Variants in CPAMD8 observed in about 807,000 individuals in gnomAD.
The protein encoded by CPAMD8 is C3 and PZP like alpha-2-macroglobulin domain containing 8.
In CPAMD8, 146 loss-of-function variants were observed where a neutral mutation model predicts 224.7. That is an observed-to-expected ratio of 0.65 (90% CI 0.57 to 0.75). CPAMD8 has a LOEUF of 0.75. CPAMD8 is among the 30% of genes least tolerant of loss of function. The pLI, the probability that CPAMD8 is intolerant of heterozygous loss-of-function variation, is 0.00. For synonymous variants in CPAMD8, 966 were observed against 1,044.6 expected, an observed-to-expected ratio of 0.92 and a Z score of 1.45; for missense variants, 2,301 against 2,537.5, an observed-to-expected ratio of 0.91 and a Z score of 2.00.
intron 16 of CPAMD8, among the ~76,000 whole-genome samples, chr19:16,975,761 G>A (rs1006894501): frequency 5.9e-5 from 9 of 152,144 alleles, no homozygotes; most frequent in Non-Finnish European, 1.3e-4. Context: ...GTGAGACCTG[G>A]CCCAATGTCA....
Position 16,976,158 on chromosome 19 carries a change from G to A in CPAMD8, c.1759-7C>T, listed in dbSNP as rs573431388. 153 of 1,607,414 alleles carry A rather than the reference G, an allele frequency of 9.5e-5. 1 individual carries two copies. In the East Asian group the frequency reaches 9.6e-4, roughly 10 times the overall value. ...CTGAATACGTCACTGAAACCTTGGC[G>A]CAAATGCAGCAAGGGATAAGAAACT... is the stretch of plus-strand genomic sequence containing the variant. On this transcript the variant is annotated splice_region_variant and splice_polypyrimidine_tract_variant and intron_variant, in intron 15 of 41. Coordinates refer to ENST00000443236, the MANE Select transcript of CPAMD8 (RefSeq NM_015692.5).
intron 24 of CPAMD8, among the ~76,000 whole-genome samples, chr19:16,928,510 C>T (rs552113121): frequency 7.2e-4 from 109 of 152,296 alleles, no homozygotes; most frequent in African/African-American, 2.4e-3. Context: ...GCCTAGAGAA[C>T]CTACTCTGCT....
At chr19:16,913,040 G>A (rs890645079) in intron 29 of CPAMD8, among the ~76,000 whole-genome samples, 21 of 152,338 alleles carry the variant, frequency 1.4e-4, no homozygotes, top group Middle Eastern at 3.4e-3. Flanking sequence ...GACATGCAAC[G>A]TCTCAAAAAA....
At chr19:16,975,389 T>C in intron 16 of CPAMD8, 131 bp from the exon 17 acceptor site, 1 of 696,822 alleles carries the variant, frequency 1.4e-6, no homozygotes, top group Non-Finnish European at 2.5e-6. Flanking sequence ...AGATGGGCAC[T>C]GGTAGCATCA....
intron 30 of CPAMD8, among the ~76,000 whole-genome samples, chr19:16,906,023 C>T (rs1445652809): frequency 6.6e-6 from 1 of 152,116 alleles, no homozygotes; most frequent in East Asian, 1.9e-4. Context: ...GGATGATTTC[C>T]AGGAAGCCTG....
At position 16,997,187 on chromosome 19, in the gene CPAMD8, T is replaced by C. The variant is rs1479436056; in HGVS notation, c.1019A>G (p.Gln340Arg). 1.6e-5 allele frequency: 26 copies of C among 1,586,864 alleles called. No homozygotes were observed. Among genetic ancestry groups the C allele is most frequent in the Non-Finnish European group, 2.2e-5 (25 of 1,155,360 alleles). ...GTACCGGATGTCCACCAGCTGCCTC[T>C]GCACGGGGGTGGAGTCATCGAACGC... ...QVAFDDSTPV[Q>R]RQLVDIRYSK... is the part of the protein sequence containing the mutation. The change falls in exon 11 of 42, where the codon CAG becomes CGG. Residue 340 changes from glutamine to arginine, a missense_variant. This residue lies in a region of CPAMD8 where 301 missense variants were observed against 406.6 expected (regional missense o/e 0.74). Coordinates refer to ENST00000443236, the MANE Select transcript of CPAMD8 (RefSeq NM_015692.5).
At chr19:16,906,386 C>CTTTCTTTCT (rs1568459565) in intron 30 of CPAMD8, among the ~76,000 whole-genome samples, 1 of 75,480 alleles carries the variant, frequency 1.3e-5, no homozygotes, top group African/African-American at 4.0e-5. Flanking sequence ...TTCTTTCTTT[C>CTTTCTTTCT]TTTCTTTCTT....
rs1434733667 is a variant in CPAMD8 at position 16,906,411 on chromosome 19, C to CTTTCT, written c.4027+540_4027+541insAGAAA. Among the ~76,000 whole-genome samples the CTTTCT allele has an allele frequency of 1.1e-3, 73 of 64,402 alleles. 2 individuals carry two copies. The highest frequency in any genetic ancestry group is 1.3e-3 in the Non-Finnish European group (39 of 30,886). The allele number at this position is 64,402 out of a possible 152,430, so 42.3% of individuals were successfully genotyped here. A position where few individuals can be genotyped will look rare whatever the true frequency, so the allele number is the denominator to read the frequency against. On this transcript the variant is annotated intron_variant, in intron 30 of 41. Transcript: ENST00000443236. ...CTTTCTTTCTTTCTTTCTTTCTTTC[C>CTTTCT]TTCCTTCCTTCCTTCCTTCCTTCCT...
At chr19:16,987,717 C>G (rs1235639106) in intron 13 of CPAMD8, among the ~76,000 whole-genome samples, 2 of 152,102 alleles carry the variant, frequency 1.3e-5, no homozygotes, top group African/African-American at 4.8e-5. Context: ...GTGGCACGAT[C>G]ATGTTTCACT....
chr19:16,990,759 A>G (rs537554443), intron 12 of CPAMD8, among the ~76,000 whole-genome samples: 1 of 147,274 alleles, frequency 6.8e-6, no homozygotes, highest in South Asian at 2.2e-4. Context: ...GCTACTTGGG[A>G]GGCTGAGGCA....
chr19:16,975,397 T>C (rs1163206628), intron 16 of CPAMD8, 139 bp from the exon 17 acceptor site: 6 of 674,158 alleles, frequency 8.9e-6, no homozygotes, highest in Admixed American at 7.7e-5. Flanking sequence ...ACTGGTAGCA[T>C]CAGCCCATTT....
At chr19:16,907,395 G>A in intron 29 of CPAMD8, 1 of 216,960 alleles carries the variant, frequency 4.6e-6, no homozygotes, top group Admixed American at 5.3e-5. Context: ...ATCACCTGAG[G>A]TCAGGAGTTT....
intron 3 of CPAMD8, among the ~76,000 whole-genome samples, chr19:17,012,166 G>A (rs565152095): frequency 4.6e-5 from 7 of 151,856 alleles, no homozygotes; most frequent in South Asian, 4.2e-4. Context: ...TTACAGGTGT[G>A]TGTCACCATG....
intron 24 of CPAMD8, 150 bp downstream of exon 24, chr19:16,928,792 C>T (rs1432679839): frequency 2.2e-5 from 12 of 547,578 alleles, no homozygotes; most frequent in South Asian, 1.0e-4. Flanking sequence ...TTTCGGTAAG[C>T]GACTCTAGAC....
At chr19:16,975,048 A>G in intron 17 of CPAMD8, 49 bp downstream of exon 17, 1 of 1,576,206 alleles carries the variant, frequency 6.3e-7, no homozygotes, top group Non-Finnish European at 8.6e-7. Flanking sequence ...ATTTCTAGGC[A>G]AGAGGAACTT....
At chr19:16,922,024 GGCCT>G (rs1171789536) in intron 26 of CPAMD8, 38 bp from the exon 27 acceptor site, 3 of 1,471,078 alleles carry the variant, frequency 2.0e-6, no homozygotes, top group Non-Finnish European at 2.8e-6. Flanking sequence ...CCTGTTGAGT[GGCCT>G]GGCCCAGGCC....
rs537993206 is a variant in CPAMD8, at chr19:17,015,483, G to A, written c.268-3726C>T. On this transcript the variant is annotated intron_variant, in intron 3 of 41. Transcript: ENST00000443236. ...GGACCCCCGCTCTCTGAAGCCACAC[G>A]GGGTCCGTCCCAGCCCTCTCTCCAG... Among the ~76,000 whole-genome samples the A allele has an allele frequency of 9.6e-4, 146 of 152,204 alleles. No individual in the cohort carries two copies. The Middle Eastern group carries it at 0.01, about 11-fold the overall frequency.
In CPAMD8 at chr19:16,947,165, A is replaced by G; in HGVS notation, c.2571T>C (p.His857=). ...GGGCCACACACATCTTCTTGGTCACATGGCGTTTGCCAGGATGCCCAACAA... is the reference window on the plus strand; with the variant it reads ...GGGCCACACACATCTTCTTGGTCACGTGGCGTTTGCCAGGATGCCCAACAA... ...IQFVGHPGKR[H]VTKKMCVAPG... The change falls in exon 21 of 42, where the codon CAT becomes CAC. Residue 857 remains histidine (H), a synonymous_variant. Coordinates refer to ENST00000443236, the MANE Select transcript of CPAMD8 (RefSeq NM_015692.5). 2 of 1,613,794 alleles carry G rather than the reference A, an allele frequency of 1.2e-6. No homozygotes were observed. Among genetic ancestry groups the G allele is most frequent in the Non-Finnish European group, 1.7e-6 (2 of 1,179,832 alleles).
intron 3 of CPAMD8, among the ~76,000 whole-genome samples, chr19:17,018,910 A>G (rs1282092658): frequency 7.8e-6 from 1 of 128,430 alleles, no homozygotes; most frequent in Non-Finnish European, 1.6e-5. Context: ...TTCATCTCAA[A>G]AAAAAAAAAG....
Sources: allele counts gnomAD v4.1 joint callset (sites outside exome capture counted in the v4.1 genomes callset), GRCh38; gene constraint gnomAD v4.1.1; regional missense constraint gnomAD v4.1.1; transcripts MANE v1.5; gene names NCBI Gene and HGNC (gene_info 2026-07-23, HGNC 2026-07-21).